The following UNC13C variants were observed in gnomAD, a reference collection of about 807,000 sequenced individuals.
The protein encoded by UNC13C is unc-13 homolog C, also known as protein unc-13 homolog C.
UNC13C carries 174 observed loss-of-function variants against 245.4 expected under a neutral mutation model. The ratio of observed to expected loss-of-function variants is 0.71; its 90% CI spans 0.63 to 0.80. UNC13C has a LOEUF of 0.80. Ranked by LOEUF, UNC13C falls within the 30% of genes least tolerant of loss-of-function variation. The pLI is 0.00. For missense variants in UNC13C, 2,829 were observed against 2,602.9 expected, an observed-to-expected ratio of 1.09 and a Z score of -1.89; for synonymous variants, 992 against 895.1, an observed-to-expected ratio of 1.11 and a Z score of -1.93.
intron 2 of UNC13C, among the ~76,000 whole-genome samples, chr15:54,054,692 T>C (rs1214843317): frequency 6.6e-6 from 1 of 152,208 alleles, no homozygotes; most frequent in Non-Finnish European, 1.5e-5. Context: ...TATTTTCAAC[T>C]ATAAAGGCAT....
chr15:54,630,829 A>G (rs1402237065), downstream of UNC13C: 1 of 152,108 alleles, frequency 6.6e-6, no homozygotes, highest in Non-Finnish European at 1.5e-5. Context: ...ATGTTAAATA[A>G]TATATATTTA....
intron 23 of UNC13C, among the ~76,000 whole-genome samples, chr15:54,509,115 C>T (rs1894619772): frequency 6.6e-6 from 1 of 152,156 alleles, no homozygotes; most frequent in Non-Finnish European, 1.5e-5. Flanking sequence ...AGGAGAATTG[C>T]TTGAACCCGG....
rs199675178 is a variant in UNC13C at position 54,417,892 on chromosome 15, A to C, written c.4933+2825A>C. 1.8e-4 allele frequency among the ~76,000 whole-genome samples: 28 copies of C among 152,150 alleles called. No homozygotes were observed. In the East Asian group the frequency reaches 5.4e-3, roughly 29 times the overall value. On this transcript the variant is annotated intron_variant, in intron 19 of 32. Transcript: ENST00000260323. Reference sequence around the variant, plus strand: ...TTATATTAGAGCCAGGCAGTTGTACATTGTTAAAATTTCCTATATGTTTTA... The same window carrying C: ...TTATATTAGAGCCAGGCAGTTGTACCTTGTTAAAATTTCCTATATGTTTTA...
rs76123764 is a variant in UNC13C, at chr15:54,500,358, A to T, written c.5157+183A>T. 8.6e-4 allele frequency among the ~76,000 whole-genome samples: 95 copies of T among 110,918 alleles called. 1 individual carries two copies. Among genetic ancestry groups the T allele is most frequent in the Non-Finnish European group, 1.3e-3 (71 of 56,060 alleles). 72.8% of individuals were successfully genotyped at this position (110,918 alleles called of 152,430 possible). ...CCCTAGAAACTTGCCTACATTTATT[A>T]AAAAAAAAAAAAATCAATCACCCAT... is the stretch of plus-strand genomic sequence containing the variant. On this transcript the variant is annotated intron_variant, in intron 21 of 32. Transcript: ENST00000260323.
At chr15:54,598,319 T>G (rs751276521) in intron 30 of UNC13C, among the ~76,000 whole-genome samples, 2 of 152,224 alleles carry the variant, frequency 1.3e-5, no homozygotes, top group African/African-American at 2.4e-5. Context: ...GGCCTCCAAC[T>G]GCTGACCTCA....
At chr15:54,615,597 T>C (rs891896298) in intron 30 of UNC13C, among the ~76,000 whole-genome samples, 3 of 152,082 alleles carry the variant, frequency 2.0e-5, no homozygotes, top group Non-Finnish European at 4.4e-5. Context: ...CTAGTAATTG[T>C]GGTGCATGAA....
chr15:54,173,569 T>C (rs916099362), intron 4 of UNC13C, among the ~76,000 whole-genome samples: 1 of 152,136 alleles, frequency 6.6e-6, no homozygotes, highest in East Asian at 1.9e-4. Context: ...ATTGATCTTG[T>C]ATTCTGCAAC....
At chr15:54,525,495 A>G (rs1895411016) in intron 24 of UNC13C, 54 bp from the exon 25 acceptor site, 1 of 1,362,378 alleles carries the variant, frequency 7.3e-7, no homozygotes, top group African/African-American at 1.4e-5. Flanking sequence ...TAAGCAAAAC[A>G]GAGGCATGCT....
intron 17 of UNC13C, among the ~76,000 whole-genome samples, chr15:54,362,647 C>T (rs2039261258): frequency 6.6e-6 from 1 of 152,022 alleles, no homozygotes; most frequent in African/African-American, 2.4e-5. Flanking sequence ...TCCTTAGGAC[C>T]CACTCAAGAG....
intron 16 of UNC13C, among the ~76,000 whole-genome samples, chr15:54,336,003 A>C (rs2038564627): frequency 6.6e-6 from 1 of 151,134 alleles, no homozygotes; most frequent in African/African-American, 2.5e-5. Flanking sequence ...GCATTATCTT[A>C]ATGTATTAAT....
intron 24 of UNC13C, among the ~76,000 whole-genome samples, chr15:54,517,498 G>A (rs942639431): frequency 1.3e-5 from 2 of 152,066 alleles, no homozygotes; most frequent in Non-Finnish European, 1.5e-5. Flanking sequence ...AACATAATTA[G>A]ACTAGAGATG....
intron 17 of UNC13C, among the ~76,000 whole-genome samples, chr15:54,354,166 T>C (rs964440781): frequency 6.6e-6 from 1 of 152,072 alleles, no homozygotes; most frequent in African/African-American, 2.4e-5. Flanking sequence ...TAAGCCTCAA[T>C]GTTTTCATTT....
At chr15:54,256,304 C>G (rs910244920) in intron 8 of UNC13C, among the ~76,000 whole-genome samples, 7 of 152,196 alleles carry the variant, frequency 4.6e-5, no homozygotes, top group African/African-American at 1.7e-4. Context: ...CAGAGGTGTA[C>G]TCTGGATGGG....
chr15:54,274,947 G>A (rs1423093765), intron 10 of UNC13C, among the ~76,000 whole-genome samples: 5 of 151,994 alleles, frequency 3.3e-5, no homozygotes, highest in Non-Finnish European at 5.9e-5. Context: ...TGGGATTATA[G>A]GTGTGAGCCA....
the UNC13C span, among the ~76,000 whole-genome samples, chr15:53,859,795 T>C: frequency 4.6e-5 from 7 of 152,294 alleles, no homozygotes; most frequent in Admixed American, 2.6e-4. Context: ...CCACGTCTCA[T>C]TTCTGATACC....
intron 19 of UNC13C, among the ~76,000 whole-genome samples, chr15:54,449,842 A>G (rs1891068513): frequency 6.6e-6 from 1 of 152,070 alleles, no homozygotes; most frequent in Non-Finnish European, 1.5e-5. Flanking sequence ...GGAGGAGGAG[A>G]GGCACTCTGA....
At position 54,296,239 on chromosome 15, in the gene UNC13C, C is replaced by T. The variant is rs2037426899; in HGVS notation, c.3989-1572C>T. 2.0e-5 allele frequency among the ~76,000 whole-genome samples: 3 copies of T among 152,044 alleles called. No individual in the cohort carries two copies. In the South Asian group the frequency reaches 6.2e-4, roughly 32 times the overall value. ...TTTTTGAGACGGAGTCTCGCTCTAT[C>T]CCCCAGGCTGGAGGGCAGTGTCGCG... On this transcript the variant is annotated intron_variant, in intron 11 of 32. Coordinates refer to ENST00000260323, the MANE Select transcript of UNC13C (RefSeq NM_001080534.3).
At chr15:54,188,951 G>A (rs942673852) in intron 4 of UNC13C, among the ~76,000 whole-genome samples, 33 of 152,068 alleles carry the variant, frequency 2.2e-4, no homozygotes, top group African/African-American at 5.6e-4. Flanking sequence ...GAAACAATGC[G>A]TATGCTTACA....
At chr15:54,290,156 A>G (rs928977058) in intron 10 of UNC13C, among the ~76,000 whole-genome samples, 2 of 152,112 alleles carry the variant, frequency 1.3e-5, no homozygotes, top group African/African-American at 4.8e-5. Flanking sequence ...TACGTTTCTG[A>G]CAGTTTAAAT....
Sources: gnomAD v4.1 joint callset for allele counts (sites outside exome capture counted in the v4.1 genomes callset) on GRCh38, gnomAD v4.1.1 for gene constraint, MANE v1.5 for transcripts, NCBI Gene and HGNC (gene_info 2026-07-23, HGNC 2026-07-21) for gene names.